IL1R1: variants seen among roughly 807,000 people sequenced by gnomAD.
The protein encoded by IL1R1 is interleukin 1 receptor type 1, also known as interleukin-1 receptor type 1.
Under a neutral mutation model 50.2 loss-of-function variants are expected in IL1R1, and 22 were observed. That is an observed-to-expected ratio of 0.44 (90% confidence interval 0.31 to 0.63). The LOEUF (loss-of-function observed/expected upper bound fraction) is 0.63. Ranked by LOEUF, IL1R1 falls within the 20% of genes least tolerant of loss-of-function variation. The probability of loss-of-function intolerance (pLI) is 0.07; values close to 1 mark genes in which losing one functional copy is unlikely to be tolerated. For missense variants in IL1R1, 509 were observed against 676.2 expected (o/e 0.75, Z 2.74); for synonymous variants, 251 against 236.7 (o/e 1.06, Z -0.55).
chr2:102,153,123 T>C (rs544540972), intron 1 of IL1R1, among the ~76,000 whole-genome samples: 14 of 152,270 alleles, frequency 9.2e-5, no homozygotes, highest in South Asian at 6.2e-4. Context: ...TAATGTGATA[T>C]GGGGTGTAGG....
At chr2:102,157,087 TC>T (rs1217410622) in intron 2 of IL1R1, among the ~76,000 whole-genome samples, 15 of 152,152 alleles carry the variant, frequency 9.9e-5, no homozygotes, top group Non-Finnish European at 1.3e-4. Context: ...CCTCTTTTTT[TC>T]ATACAAAGTT....
In IL1R1 at chr2:102,171,938, T is replaced by A; in HGVS notation, c.839+20T>A. 7.5e-7 allele frequency: 1 copy of A among 1,328,090 alleles called. No individual in the cohort carries two copies. The allele number at this position is 1,328,090 out of a possible 1,614,324, so 82.3% of individuals were successfully genotyped here. On this transcript the variant is annotated intron_variant, in intron 8 of 11. Transcript: ENST00000410023. ...TTACAGGTATGTATGCTAAGAGTTA[T>A]TCACATTTTGGTGTTAAATCCCACG...
Position 102,168,618 on chromosome 2 carries a change from C to G in IL1R1, c.676C>G (p.Pro226Ala). Residue 226 changes from proline to alanine, a missense_variant, in exon 7 of 12, where the codon CCT becomes GCT. Physicochemically the swap from Pro to Ala is conservative, Grantham distance 27 (BLOSUM62 -1). Transcript: ENST00000410023. ...TTCAGAGGAAAACAAACCCACAAGG[C>G]CTGTGATTGTGAGCCCAGCTAATGA... ...ITLEENKPTR[P>A]VIVSPANETM... 1 of 1,613,602 alleles carries G rather than the reference C, an allele frequency of 6.2e-7. No individual in the cohort carries two copies. The highest frequency in any genetic ancestry group is 8.5e-7 in the Non-Finnish European group (1 of 1,179,812).
chr2:102,165,699 T>C (rs1456056838), intron 5 of IL1R1, among the ~76,000 whole-genome samples: 1 of 152,212 alleles, frequency 6.6e-6, no homozygotes, highest in African/African-American at 2.4e-5. Context: ...TTGACTAGCT[T>C]TCCATGGAAC....
intron 1 of IL1R1, among the ~76,000 whole-genome samples, chr2:102,153,200 T>A (rs1261817701): frequency 3.9e-5 from 6 of 152,162 alleles, no homozygotes; most frequent in African/African-American, 1.4e-4. Context: ...TGCTCATTTT[T>A]TTCTGGCCTC....
chr2:102,118,023 G>A (rs189101485), intron 1 of IL1R1, among the ~76,000 whole-genome samples: 32 of 151,342 alleles, frequency 2.1e-4, no homozygotes, highest in Non-Finnish European at 1.0e-4. Context: ...TTGATCTCTG[G>A]CCCTGATTCC....
intron 2 of IL1R1, among the ~76,000 whole-genome samples, chr2:102,156,822 C>T (rs1684239548): frequency 6.6e-6 from 1 of 152,310 alleles, no homozygotes; most frequent in Admixed American, 6.5e-5. Context: ...CATAATACAT[C>T]TTAAATAGAA....
At chr2:102,094,347 T>C (rs1440013491) in intron 1 of IL1R1, among the ~76,000 whole-genome samples, 1 of 152,206 alleles carries the variant, frequency 6.6e-6, no homozygotes, top group East Asian at 1.9e-4. Context: ...CCAATAGTGA[T>C]GTTAAATTAC....
chr2:102,122,033 A>G (rs906966530), intron 1 of IL1R1, among the ~76,000 whole-genome samples: 2 of 152,188 alleles, frequency 1.3e-5, no homozygotes, highest in African/African-American at 4.8e-5. Context: ...CATACATTCA[A>G]AAATAGGATT....
intron 1 of IL1R1, among the ~76,000 whole-genome samples, chr2:102,072,286 T>C (rs918091435): frequency 2.0e-5 from 3 of 150,532 alleles, no homozygotes; most frequent in African/African-American, 7.3e-5. Context: ...AAGAAAAAAA[T>C]TCGTACACTT....
At position 102,168,585 on chromosome 2, in the gene IL1R1, G is replaced by C. The variant is rs1346083296; in HGVS notation, c.656-13G>C. On this transcript the variant is annotated splice_polypyrimidine_tract_variant and intron_variant, in intron 6 of 11. Transcript: ENST00000410023. ...TAAGAGACTGACAAACCTTATGGAT[G>C]TTTTTCTTTCAGAGGAAAACAAACC... 1.9e-6 allele frequency: 3 copies of C among 1,610,610 alleles called. No individual in the cohort carries two copies. In the African/African-American group the frequency reaches 4.0e-5, roughly 22 times the overall value.
At chr2:102,078,700 T>C (rs901589443) in intron 1 of IL1R1, among the ~76,000 whole-genome samples, 1 of 151,898 alleles carries the variant, frequency 6.6e-6, no homozygotes. Context: ...GAAAACTATT[T>C]CAAAAAGTTG....
chr2:102,103,883 A>G (rs1226332534), upstream of IL1R1, among the ~76,000 whole-genome samples: 3 of 150,310 alleles, frequency 2.0e-5, no homozygotes, highest in Non-Finnish European at 4.4e-5. Context: ...AATCCCAGCT[A>G]CTCGGGCTGA....
intron 5 of IL1R1, among the ~76,000 whole-genome samples, chr2:102,165,663 G>C (rs1685121948): frequency 1.3e-5 from 2 of 152,140 alleles, no homozygotes; most frequent in Admixed American, 1.3e-4. Flanking sequence ...TAACCTGCTA[G>C]TTTCCATAAC....
chr2:102,162,255 T>G (rs1011955501), intron 3 of IL1R1, among the ~76,000 whole-genome samples: 1 of 152,198 alleles, frequency 6.6e-6, no homozygotes. Flanking sequence ...CTTTTCTTTT[T>G]AATCTATTTT....
intron 3 of IL1R1, among the ~76,000 whole-genome samples, chr2:102,162,829 T>A (rs1684849156): frequency 6.6e-6 from 1 of 152,184 alleles, no homozygotes; most frequent in African/African-American, 2.4e-5. Context: ...AGAAAGATGA[T>A]CTTATAATTA....
chr2:102,089,628 G>A (rs1456554698), intron 1 of IL1R1, among the ~76,000 whole-genome samples: 1 of 152,136 alleles, frequency 6.6e-6, no homozygotes, highest in Non-Finnish European at 1.5e-5. Context: ...CAGTATCTGT[G>A]AGGTACAATA....
intron 1 of IL1R1, among the ~76,000 whole-genome samples, chr2:102,108,905 G>A (rs12617054): frequency 0.084 from 12,630 of 150,384 alleles, 623 homozygotes; most frequent in East Asian, 0.18. Flanking sequence ...GCAAAAATCA[G>A]GACCAAACTG....
At chr2:102,125,708 T>C (rs2310185) in intron 1 of IL1R1, among the ~76,000 whole-genome samples, 63,548 of 152,036 alleles carry the variant, frequency 0.42, 15,219 homozygotes, top group African/African-American at 0.67. Flanking sequence ...TTCAAAGCAG[T>C]GCTCACATTA....
Sources: gnomAD v4.1 joint callset for allele counts (sites outside exome capture counted in the v4.1 genomes callset) on GRCh38, gnomAD v4.1.1 for gene constraint, MANE v1.5 for transcripts, NCBI Gene and HGNC (gene_info 2026-07-23, HGNC 2026-07-21) for gene names.